The following AP3D1 variants were observed in gnomAD, a reference collection of about 807,000 sequenced individuals.
AP3D1 encodes the protein adaptor related protein complex 3 subunit delta 1, also known as AP-3 complex subunit delta-1.
Under a neutral mutation model 147.6 loss-of-function variants are expected in AP3D1, and 51 were observed. That is an observed-to-expected ratio of 0.35 (90% CI 0.28 to 0.44). The LOEUF (loss-of-function observed/expected upper bound fraction) is 0.44. AP3D1 is among the 20% of genes least tolerant of loss of function. The probability of loss-of-function intolerance (pLI) is 1.00; values close to 1 mark genes in which losing one functional copy is unlikely to be tolerated. For missense variants in AP3D1, 1,421 were observed against 1,624.2 expected (o/e 0.87, Z 2.15); for synonymous variants, 760 against 663.0 (o/e 1.15, Z -2.25).
chr19:2,155,531 CAAAAAAAAAA>C (rs60793261), upstream of AP3D1, among the ~76,000 whole-genome samples: 1 of 55,298 alleles, frequency 1.8e-5, no homozygotes, highest in African/African-American at 6.9e-5. Flanking sequence ...GACTCTGTCT[CAAAAAAAAAA>C]AAAAAAAAAA....
Position 2,101,892 on chromosome 19 carries a change from C to T in AP3D1, c.*281G>A, listed in dbSNP as rs2017963721. ...CCACATTCAAGGACTCGGCCCCCAG[C>T]GCGGGGCAGGGCACAGACCCAGGTG... On this transcript the variant is annotated 3_prime_UTR_variant, in exon 32 of 32. Coordinates refer to ENST00000643116, the MANE Select transcript of AP3D1 (RefSeq NM_001261826.3). The T allele has an allele frequency of 4.7e-6, 2 of 423,420 alleles. No individual in the cohort carries two copies. Among genetic ancestry groups the T allele is most frequent in the Admixed American group, 8.4e-5 (2 of 23,840 alleles). 26.2% of individuals were successfully genotyped at this position (423,420 alleles called of 1,614,324 possible). A position where few individuals can be genotyped will look rare whatever the true frequency, so the allele number is the denominator to read the frequency against.
At chr19:2,130,606 C>T (rs891985848) in intron 5 of AP3D1, 69 bp from the exon 6 acceptor site, 45 of 1,594,946 alleles carry the variant, frequency 2.8e-5, no homozygotes, top group East Asian at 6.7e-5. Context: ...CCCTCCCAGC[C>T]GCCTCCTCCA....
chr19:2,111,597 C>T, intron 25 of AP3D1, 82 bp downstream of exon 25: 2 of 1,481,968 alleles, frequency 1.3e-6, no homozygotes, highest in South Asian at 1.3e-5. Flanking sequence ...TTCTCTCCCG[C>T]ATGGAGGCTG....
chr19:2,122,894 T>C (rs1351516243), intron 11 of AP3D1, among the ~76,000 whole-genome samples: 4 of 152,232 alleles, frequency 2.6e-5, no homozygotes, highest in Non-Finnish European at 5.9e-5. Context: ...GGGCCGCTAA[T>C]TCTGATTCCT....
rs1250333096 is a variant in AP3D1 at position 2,115,222 on chromosome 19, A to G, written c.2346T>C (p.Pro782=). The change falls in exon 20 of 32, where the codon CCT becomes CCC. Residue 782 remains proline, a synonymous_variant. Coordinates refer to ENST00000643116, the MANE Select transcript of AP3D1 (RefSeq NM_001261826.3). The part of the protein sequence containing the change: ...QQVDIVTEEM[P]ENALPSDEDD... The stretch of plus-strand genomic sequence containing the variant: ...CGGGACCTCCAGCGAGGCTGACCTC[A>G]GGCATCTCCTCTGTGACGATGTCCA... 2 of 1,612,260 alleles carry G rather than the reference A, an allele frequency of 1.2e-6. No homozygotes were observed. The highest frequency in any genetic ancestry group is 1.7e-6 in the Non-Finnish European group (2 of 1,179,328).
In AP3D1 at chr19:2,104,170, C is replaced by T. The variant is rs561062431; in HGVS notation, c.3553-1902G>A. Among the ~76,000 whole-genome samples the T allele has an allele frequency of 1.3e-3, 154 of 114,876 alleles. 1 individual carries two copies. The highest frequency in any genetic ancestry group is 1.5e-3 in the Non-Finnish European group (73 of 47,970). The allele number at this position is 114,876 out of a possible 152,430, so 75.4% of individuals were successfully genotyped here. ...GACACCAACACTCAGACTCCAACAC[C>T]GAGACACCAACGCTGAGACCGCAAC... is the stretch of plus-strand genomic sequence containing the variant. On this transcript the variant is annotated intron_variant, in intron 31 of 31. Transcript: ENST00000643116.
At chr19:2,134,474 C>T (rs1035180856) in intron 4 of AP3D1, among the ~76,000 whole-genome samples, 2 of 150,988 alleles carry the variant, frequency 1.3e-5, no homozygotes, top group African/African-American at 2.4e-5. Context: ...TGGTGGCTCA[C>T]GCCTTTAATT....
intron 1 of AP3D1, among the ~76,000 whole-genome samples, chr19:2,162,844 G>C (rs1288897174): frequency 2.6e-5 from 4 of 152,026 alleles, no homozygotes; most frequent in African/African-American, 9.7e-5. Flanking sequence ...GGAAGGGGTG[G>C]GGCAGGGCTG....
chr19:2,122,655 T>C (rs1310608508), intron 11 of AP3D1, among the ~76,000 whole-genome samples: 1 of 152,204 alleles, frequency 6.6e-6, no homozygotes, highest in Non-Finnish European at 1.5e-5. Flanking sequence ...AGAACAACCA[T>C]AAAACACGGT....
chr19:2,121,351 G>A, intron 12 of AP3D1, 40 bp from the exon 13 acceptor site: 7 of 1,605,014 alleles, frequency 4.4e-6, no homozygotes, highest in Non-Finnish European at 6.0e-6. Flanking sequence ...AGCGGACCCA[G>A]CCTGGGGCCT....
At chr19:2,121,597 T>C in intron 12 of AP3D1, 137 bp downstream of exon 12, 1 of 1,287,628 alleles carries the variant, frequency 7.8e-7, no homozygotes, top group Non-Finnish European at 1.0e-6. Context: ...CTGGCGCCCC[T>C]CTGCCCTGCC....
chr19:2,110,364 C>T, intron 27 of AP3D1, 140 bp from the exon 28 acceptor site: 2 of 743,864 alleles, frequency 2.7e-6, no homozygotes, highest in Non-Finnish European at 4.5e-6. Flanking sequence ...CACCAGGGGA[C>T]AGGAGCAGAA....
upstream of AP3D1, among the ~76,000 whole-genome samples, chr19:2,153,384 TG>T (rs754227212): frequency 9.0e-4 from 80 of 88,856 alleles, no homozygotes; most frequent in East Asian, 2.5e-3. Flanking sequence ...AAAAAAGAAG[TG>T]GGGGGGGGGA....
chr19:2,155,893 A>G (rs985967913), upstream of AP3D1, among the ~76,000 whole-genome samples: 4 of 151,918 alleles, frequency 2.6e-5, no homozygotes, highest in South Asian at 2.1e-4. Flanking sequence ...TCTACTAAAA[A>G]TACAAAAAAA....
intron 16 of AP3D1, 53 bp from the exon 17 acceptor site, chr19:2,116,799 G>C: frequency 2.0e-6 from 3 of 1,537,260 alleles, no homozygotes; most frequent in Non-Finnish European, 2.6e-6. Context: ...GCACGCGCCT[G>C]CAGGCGTCCG....
Position 2,109,950 on chromosome 19 carries a change from C to T in AP3D1, c.3273G>A (p.Glu1091=). 1 of 1,613,648 alleles carries T rather than the reference C, an allele frequency of 6.2e-7. No individual in the cohort carries two copies. The highest frequency in any genetic ancestry group is 8.5e-7 in the Non-Finnish European group (1 of 1,179,944). Residue 1091 remains glutamate (E), a synonymous_variant, in exon 29 of 32, where the codon GAG becomes GAA. Coordinates refer to ENST00000643116, the MANE Select transcript of AP3D1 (RefSeq NM_001261826.3). ...AGTCCAGCTTCTCGTGGGTCGCACC[C>T]TCGTCATTCTGCGGTGGAGTGAAGG... is the stretch of plus-strand genomic sequence containing the variant. ...GTLSFIAKND[E]GATHEKLDFR... is the part of the protein sequence containing the mutation.
In AP3D1 at chr19:2,115,682, G is replaced by A. The variant is rs912802419; in HGVS notation, c.2074-69C>T. Reference sequence around the variant, plus strand: ...ACACACGTGCAAGACAAGCCTCGGGGATGCAGGGAGCGTGACGCAGCCCCA... The same window carrying A: ...ACACACGTGCAAGACAAGCCTCGGGAATGCAGGGAGCGTGACGCAGCCCCA... On this transcript the variant is annotated intron_variant, in intron 18 of 31. Coordinates refer to ENST00000643116, the MANE Select transcript of AP3D1 (RefSeq NM_001261826.3). The A allele has an allele frequency of 2.7e-5, 41 of 1,512,006 alleles. No homozygotes were observed. In the African/African-American group the frequency reaches 5.5e-4, roughly 20 times the overall value. 93.7% of individuals were successfully genotyped at this position (1,512,006 alleles called of 1,614,324 possible).
intron 5 of AP3D1, among the ~76,000 whole-genome samples, chr19:2,130,904 C>G (rs371519220): frequency 6.6e-6 from 1 of 152,242 alleles, no homozygotes; most frequent in Non-Finnish European, 1.5e-5. Context: ...AATTCCCCAG[C>G]GGGAGCCCTC....
At chr19:2,126,484 T>C (rs2018758310) in intron 9 of AP3D1, among the ~76,000 whole-genome samples, 1 of 151,864 alleles carries the variant, frequency 6.6e-6, no homozygotes, top group Non-Finnish European at 1.5e-5. Flanking sequence ...TGAAACCCCG[T>C]GTCTACTAAA....
Sources: allele counts gnomAD v4.1 joint callset (sites outside exome capture counted in the v4.1 genomes callset), GRCh38; gene constraint gnomAD v4.1.1; transcripts MANE v1.5; gene names NCBI Gene and HGNC (gene_info 2026-07-23, HGNC 2026-07-21).